The following PARP4 variants were observed in gnomAD, a reference collection of about 807,000 sequenced individuals.
PARP4 encodes poly(ADP-ribose) polymerase family member 4.
Under a neutral mutation model 187.7 loss-of-function variants are expected in PARP4, and 120 were observed. That is an observed-to-expected ratio of 0.64 (90% CI 0.55 to 0.74). The LOEUF (loss-of-function observed/expected upper bound fraction) is 0.74. PARP4 is among the 30% of genes least tolerant of loss of function. The pLI is 0.00. For synonymous variants in PARP4, 654 were observed against 740.9 expected (o/e 0.88, Z 1.90); for missense variants, 1,836 against 2,070.5 (o/e 0.89, Z 2.20).
At chr13:24,453,080 G>A (rs1372821556) in intron 23 of PARP4, among the ~76,000 whole-genome samples, 1 of 151,992 alleles carries the variant, frequency 6.6e-6, no homozygotes, top group African/African-American at 2.4e-5. Flanking sequence ...GATTACAGGT[G>A]TCCGTCACTA....
In PARP4 at chr13:24,492,545, T is replaced by C; in HGVS notation, c.929A>G (p.Asn310Ser). The stretch of plus-strand genomic sequence containing the variant: ...TTGCAATTGCTCTGCTGTTTCTCCA[T>C]TTTTCAGTGCTGCCTTTACTAGAAG... ...ILLLVKAALK[N>S]GETAEQLQKM... Residue 310 changes from asparagine to serine, a missense_variant, in exon 9 of 34, where the codon AAT (asparagine) becomes AGT (serine). Transcript: ENST00000381989. 6.2e-7 allele frequency: 1 copy of C among 1,613,752 alleles called. No individual in the cohort carries two copies. The highest frequency in any genetic ancestry group is 8.5e-7 in the Non-Finnish European group (1 of 1,179,638).
intron 1 of PARP4, among the ~76,000 whole-genome samples, chr13:24,506,142 G>A (rs1388981948): frequency 6.6e-6 from 1 of 152,114 alleles, no homozygotes; most frequent in Non-Finnish European, 1.5e-5. Context: ...CGCGTCCGAA[G>A]TTTGTTCCTT....
chr13:24,461,586 G>A (rs992435570), intron 17 of PARP4, among the ~76,000 whole-genome samples: 2 of 152,150 alleles, frequency 1.3e-5, no homozygotes, highest in African/African-American at 4.8e-5. Flanking sequence ...CTGACCCAAG[G>A]GGAGTTTGCA....
chr13:24,478,282 T>C lies in PARP4; in HGVS notation c.1449-6A>G. On this transcript the variant is annotated splice_polypyrimidine_tract_variant and splice_region_variant and intron_variant, in intron 12 of 33. Coordinates refer to ENST00000381989, the MANE Select transcript of PARP4 (RefSeq NM_006437.4). ...GTGAGTACTTGATACTTGTACTACA[T>C]GCGAAAGGAAATAAACACATATTTA... is the stretch of plus-strand genomic sequence containing the variant. 1 of 1,567,156 alleles carries C rather than the reference T, an allele frequency of 6.4e-7. No individual in the cohort carries two copies. The highest frequency in any genetic ancestry group is 8.7e-7 in the Non-Finnish European group (1 of 1,147,958).
intron 30 of PARP4, among the ~76,000 whole-genome samples, chr13:24,436,887 ATAAT>A (rs1870665448): frequency 6.6e-6 from 1 of 152,342 alleles, no homozygotes; most frequent in African/African-American, 2.4e-5. Flanking sequence ...TTATACCTGA[ATAAT>A]TAATATTATA....
At chr13:24,502,736 G>C (rs916669212) in intron 2 of PARP4, among the ~76,000 whole-genome samples, 10 of 152,264 alleles carry the variant, frequency 6.6e-5, no homozygotes, top group Non-Finnish European at 1.3e-4. Context: ...ACTGAGAAGG[G>C]AGAGCAGGCA....
At chr13:24,508,583 G>A (rs1036619206) in intron 1 of PARP4, among the ~76,000 whole-genome samples, 4 of 152,094 alleles carry the variant, frequency 2.6e-5, no homozygotes, top group Non-Finnish European at 5.9e-5. Context: ...GTGAGACCTC[G>A]GCTCACGGCA....
At chr13:24,435,527 A>G in intron 30 of PARP4, 53 bp from the exon 31 acceptor site, 1 of 1,506,666 alleles carries the variant, frequency 6.6e-7, no homozygotes, top group Non-Finnish European at 8.8e-7. Context: ...AATAAAAAGA[A>G]CAATCAAGCA....
Position 24,435,036 on chromosome 13 carries a change from C to A in PARP4, c.4105G>T (p.Val1369Leu). Reference protein sequence around the residue: ...FDASQFSQGPVPGTCADWIPQ... With the variant: ...FDASQFSQGPLPGTCADWIPQ... The stretch of plus-strand genomic sequence containing the variant: ...ATCCAGTCAGCACAAGTGCCAGGCA[C>A]AGGGCCTTGGCTGAATTGAGATGCA... Residue 1369 changes from valine (V) to leucine (L), a missense_variant, in exon 31 of 34, where the codon GTG (valine) becomes TTG (leucine). This residue lies in a region of PARP4 where 450 missense variants were observed against 439.2 expected (regional missense o/e 1.02). Transcript: ENST00000381989. 1 of 1,613,964 alleles carries A rather than the reference C, an allele frequency of 6.2e-7. No individual in the cohort carries two copies. The highest frequency in any genetic ancestry group is 8.5e-7 in the Non-Finnish European group (1 of 1,180,032).
intron 17 of PARP4, among the ~76,000 whole-genome samples, chr13:24,462,477 C>G: frequency 6.6e-6 from 1 of 152,208 alleles, no homozygotes; most frequent in Admixed American, 6.5e-5. Context: ...ATTTCAGTCT[C>G]TCTTCTTCTT....
intron 27 of PARP4, among the ~76,000 whole-genome samples, chr13:24,445,902 G>A (rs189762299): frequency 1.3e-5 from 2 of 152,260 alleles, no homozygotes; most frequent in Admixed American, 1.3e-4. Flanking sequence ...GCCAACCCCA[G>A]GCGGCCAGTG....
At position 24,498,927 on chromosome 13, in the gene PARP4, T is replaced by C. The variant is rs1401139593; in HGVS notation, c.477+374A>G. 5.9e-5 allele frequency among the ~76,000 whole-genome samples: 9 copies of C among 152,226 alleles called. No homozygotes were observed. In the East Asian group the frequency reaches 1.7e-3, roughly 29 times the overall value. ...ATTTTATACTGTTTAAAATTTTTGC[T>C]ATGAGCATGCATTACTTTTATAATA... On this transcript the variant is annotated intron_variant, in intron 5 of 33. Transcript: ENST00000381989.
At chr13:24,464,570 G>A (rs1285580426) in intron 17 of PARP4, among the ~76,000 whole-genome samples, 2 of 152,102 alleles carry the variant, frequency 1.3e-5, no homozygotes, top group African/African-American at 2.4e-5. Flanking sequence ...TTTAATGAAT[G>A]GTGCTGGGAA....
chr13:24,496,377 T>C (rs1448986915), intron 6 of PARP4, among the ~76,000 whole-genome samples: 1 of 152,184 alleles, frequency 6.6e-6, no homozygotes, highest in Non-Finnish European at 1.5e-5. Context: ...GCATGTCAGC[T>C]GTAATAGTAG....
At chr13:24,493,941 T>A (rs1410429961) in intron 7 of PARP4, among the ~76,000 whole-genome samples, 1 of 152,062 alleles carries the variant, frequency 6.6e-6, no homozygotes, top group South Asian at 2.1e-4. Flanking sequence ...TCCTACCCGC[T>A]TTTCTTCCTG....
In PARP4 at chr13:24,490,814, C is replaced by T; in HGVS notation, c.1068G>A (p.Met356Ile). The change falls in exon 10 of 34, where the codon ATG becomes ATA. Residue 356 changes from methionine (M) to isoleucine (I), a missense_variant. By Grantham distance (10) the Met-to-Ile change is conservative (BLOSUM62 1). Coordinates refer to ENST00000381989, the MANE Select transcript of PARP4 (RefSeq NM_006437.4). ...ACAAATTAGTTTCACAGACATTAAC[C>T]ATGTCTCTTATTAGCTGTAGGTGGA... ...KADLCQLIRD[M>I]VNVCETNLSK... The T allele has an allele frequency of 6.2e-7, 1 of 1,613,356 alleles. No individual in the cohort carries two copies.
intron 13 of PARP4, 43 bp from the exon 14 acceptor site, chr13:24,477,900 A>G (rs767927809): frequency 6.3e-6 from 9 of 1,423,280 alleles, no homozygotes; most frequent in Non-Finnish European, 7.6e-6. Context: ...AACAGAAGCA[A>G]CAAAAAACCT....
In PARP4 at chr13:24,449,582, C is replaced by A. The variant is rs1871398793; in HGVS notation, c.3114+136G>T. 3 of 569,096 alleles carry A rather than the reference C, an allele frequency of 5.3e-6. No homozygotes were observed. In the East Asian group the frequency reaches 9.3e-5, roughly 18 times the overall value. 35.3% of individuals were successfully genotyped at this position (569,096 alleles called of 1,614,324 possible). A position where few individuals can be genotyped will look rare whatever the true frequency, so the allele number is the denominator to read the frequency against. On this transcript the variant is annotated intron_variant, in intron 25 of 33. Coordinates refer to ENST00000381989, the MANE Select transcript of PARP4 (RefSeq NM_006437.4). ...CCGCTGGTGCAGTCCTGAGGCAGGG[C>A]TCACACCTGCGGCAGTGCTTGCCTC...
chr13:24,496,581 C>A (rs1223203955), intron 6 of PARP4, among the ~76,000 whole-genome samples: 1 of 152,132 alleles, frequency 6.6e-6, no homozygotes, highest in Non-Finnish European at 1.5e-5. Flanking sequence ...GGCTTCCAAG[C>A]CAAGTGGATC....
Sources: allele counts gnomAD v4.1 joint callset (sites outside exome capture counted in the v4.1 genomes callset), GRCh38; gene constraint gnomAD v4.1.1; regional missense constraint gnomAD v4.1.1; transcripts MANE v1.5; gene names NCBI Gene and HGNC (gene_info 2026-07-23, HGNC 2026-07-21).